Variants in NOSIP observed in about 807,000 individuals in gnomAD.
The protein encoded by NOSIP is nitric oxide synthase interacting protein.
In NOSIP, 25 loss-of-function variants were observed where a neutral mutation model predicts 36.4. The ratio of observed to expected loss-of-function variants is 0.69; its 90% confidence interval spans 0.50 to 0.96. The LOEUF (loss-of-function observed/expected upper bound fraction) is 0.96, where lower values mean the gene tolerates loss of function less well. Among genes scored for constraint, NOSIP ranks in the 40% least tolerant of loss-of-function variants. The probability of loss-of-function intolerance (pLI) is 0.00; values close to 1 mark genes in which losing one functional copy is unlikely to be tolerated. For missense variants in NOSIP, 370 were observed against 429.0 expected, an observed-to-expected ratio of 0.86 and a Z score of 1.21; for synonymous variants, 187 against 179.2, an observed-to-expected ratio of 1.04 and a Z score of -0.35.
chr19:49,567,254 C>T (rs1000273297), intron 1 of NOSIP, among the ~76,000 whole-genome samples: 5 of 151,862 alleles, frequency 3.3e-5, no homozygotes, highest in Admixed American at 2.0e-4. Flanking sequence ...TCCCGAGTAG[C>T]TGGGACTACA....
intron 8 of NOSIP, 140 bp downstream of exon 8, chr19:49,556,177 G>A (rs1363781037): frequency 6.9e-6 from 3 of 435,710 alleles, no homozygotes; most frequent in Admixed American, 7.6e-5. Context: ...AAGCGGGGGG[G>A]GGGGGCGGCC....
intron 1 of NOSIP, among the ~76,000 whole-genome samples, chr19:49,574,749 T>C (rs1174871123): frequency 6.6e-6 from 1 of 152,146 alleles, no homozygotes; most frequent in East Asian, 1.9e-4. Flanking sequence ...AGTCTCACTT[T>C]GTCACCTAGG....
chr19:49,567,225 C>A (rs544052971), intron 1 of NOSIP, among the ~76,000 whole-genome samples: 22 of 148,664 alleles, frequency 1.5e-4, no homozygotes, highest in Non-Finnish European at 3.0e-4. Flanking sequence ...CGGGTTCACG[C>A]CATTCTCCTG....
At chr19:49,578,541 C>T (rs1307932224) in intron 1 of NOSIP, among the ~76,000 whole-genome samples, 1 of 152,152 alleles carries the variant, frequency 6.6e-6, no homozygotes, top group African/African-American at 2.4e-5. Context: ...TGGCTCACAC[C>T]TGTAATCTAA....
rs2080293842 is a variant in NOSIP, at chr19:49,558,951, C to T, written c.204G>A (p.Glu68=). 1.9e-6 allele frequency: 3 copies of T among 1,613,938 alleles called. No individual in the cohort carries two copies. Among genetic ancestry groups the T allele is most frequent in the African/African-American group, 1.3e-5 (1 of 74,900 alleles). The change falls in exon 4 of 9, where the codon GAG becomes GAA. Residue 68 remains glutamate (E), a synonymous_variant. Transcript: ENST00000596358. The part of the protein sequence containing the change: ...VTPDGYLYER[E]AILEYILHQK... ...GGTGCAGAATGTACTCCAGGATGGC[C>T]TCACGCTCATACAGGTAGCCATCTG...
intron 3 of NOSIP, 71 bp downstream of exon 3, chr19:49,559,863 G>A (rs1173619169): frequency 7.1e-6 from 8 of 1,130,036 alleles, no homozygotes; most frequent in East Asian, 5.1e-5. Flanking sequence ...CCAGACCCAC[G>A]CACACAGCCT....
chr19:49,577,794 A>G (rs1180891483), intron 1 of NOSIP, among the ~76,000 whole-genome samples: 1 of 149,438 alleles, frequency 6.7e-6, no homozygotes, highest in African/African-American at 2.5e-5. Flanking sequence ...AGAAGTATTG[A>G]TACATGCCAC....
chr19:49,565,003 T>C (rs1488496802), intron 1 of NOSIP, among the ~76,000 whole-genome samples: 2 of 152,044 alleles, frequency 1.3e-5, no homozygotes, highest in Admixed American at 6.6e-5. Context: ...TGGGTGGGTG[T>C]GGTGGCTCAC....
intron 1 of NOSIP, among the ~76,000 whole-genome samples, chr19:49,569,155 C>T (rs1388574042): frequency 6.8e-6 from 1 of 147,712 alleles, no homozygotes; most frequent in Non-Finnish European, 1.5e-5. Flanking sequence ...AACAAGAGCT[C>T]AATACCATGT....
Position 49,560,234 on chromosome 19 carries a change from G to C in NOSIP, c.71-195C>G. 1.7e-6 allele frequency: 1 copy of C among 590,450 alleles called. No individual in the cohort carries two copies. The highest frequency in any genetic ancestry group is 3.0e-6 in the Non-Finnish European group (1 of 330,720). The allele number at this position is 590,450 out of a possible 1,614,324, so 36.6% of individuals were successfully genotyped here. On this transcript the variant is annotated intron_variant, in intron 2 of 8. Coordinates refer to ENST00000596358, the MANE Select transcript of NOSIP (RefSeq NM_001270960.2). The surrounding 1 kb of genome is among the most constrained non-coding windows in gnomAD (Gnocchi z 4.6). Reference sequence around the variant, plus strand: ...CCACAGGGAGTTGTCAACCCTGGAGGGTGAGAGGCAGACAGGCCTGGTCAC... The same window carrying C: ...CCACAGGGAGTTGTCAACCCTGGAGCGTGAGAGGCAGACAGGCCTGGTCAC...
intron 1 of NOSIP, among the ~76,000 whole-genome samples, chr19:49,570,524 C>T (rs189287888): frequency 1.1e-4 from 17 of 152,266 alleles, no homozygotes; most frequent in East Asian, 3.9e-4. Context: ...CTTCCTATCA[C>T]GCTAAATACC....
In NOSIP at chr19:49,562,255, G is replaced by A. The variant is rs2080345764; in HGVS notation, c.-1-1563C>T. ...TCCTGCCTCAGCTTCCCAAATAGCA[G>A]GGATTACAGGTGCCTGCCACCACGC... is the stretch of plus-strand genomic sequence containing the variant. On this transcript the variant is annotated intron_variant, in intron 1 of 8. Transcript: ENST00000596358. 3.3e-5 allele frequency among the ~76,000 whole-genome samples: 5 copies of A among 152,164 alleles called. No homozygotes were observed. In the South Asian group the frequency reaches 8.3e-4, roughly 25 times the overall value.
intron 1 of NOSIP, among the ~76,000 whole-genome samples, chr19:49,561,251 C>T (rs773197628): frequency 2.0e-5 from 3 of 152,106 alleles, no homozygotes; most frequent in African/African-American, 7.2e-5. Context: ...TGTCTCAGAT[C>T]GACCGATCAG....
rs1332810252 is a variant in NOSIP, at chr19:49,555,627, T to A, written c.*124A>T. 2 of 741,704 alleles carry A rather than the reference T, an allele frequency of 2.7e-6. No homozygotes were observed. The highest frequency in any genetic ancestry group is 5.3e-5 in the East Asian group (2 of 37,646). The allele number at this position is 741,704 out of a possible 1,614,324, so 45.9% of individuals were successfully genotyped here. A position where few individuals can be genotyped will look rare whatever the true frequency, so the allele number is the denominator to read the frequency against. Reference sequence around the variant, plus strand: ...CGCTCTTTCAAACTCCAGCGTGCGCTGTAGGAGCACTGTTTGCACGGCCCT... The same window carrying A: ...CGCTCTTTCAAACTCCAGCGTGCGCAGTAGGAGCACTGTTTGCACGGCCCT... On this transcript the variant is annotated 3_prime_UTR_variant, in exon 9 of 9. Coordinates refer to ENST00000596358, the MANE Select transcript of NOSIP (RefSeq NM_001270960.2).
chr19:49,567,738 C>T (rs991960407), intron 1 of NOSIP, among the ~76,000 whole-genome samples: 1 of 152,076 alleles, frequency 6.6e-6, no homozygotes, highest in Non-Finnish European at 1.5e-5. Flanking sequence ...AGCATGATCT[C>T]GGCTCACTGC....
At chr19:49,567,628 T>C (rs962835418) in intron 1 of NOSIP, among the ~76,000 whole-genome samples, 4 of 152,172 alleles carry the variant, frequency 2.6e-5, no homozygotes, top group Non-Finnish European at 4.4e-5. Flanking sequence ...GAGAAGATAC[T>C]TGTAATGCCT....
At chr19:49,562,848 C>G (rs750561273) in intron 1 of NOSIP, among the ~76,000 whole-genome samples, 2 of 152,068 alleles carry the variant, frequency 1.3e-5, no homozygotes, top group Non-Finnish European at 2.9e-5. Context: ...CCACTACACT[C>G]CAGCCTGGTG....
At chr19:49,563,930 T>C (rs2080368802) in intron 1 of NOSIP, among the ~76,000 whole-genome samples, 1 of 152,216 alleles carries the variant, frequency 6.6e-6, no homozygotes, top group Admixed American at 6.6e-5. Flanking sequence ...TCAGTGGTTC[T>C]CAAAGTGTGG....
chr19:49,559,255 G>A, intron 3 of NOSIP: 2 of 394,892 alleles, frequency 5.1e-6, no homozygotes, highest in East Asian at 8.3e-5. Context: ...AGAGCTGCAG[G>A]GAAAGTGCTT....
Sources: gnomAD v4.1 joint callset for allele counts (sites outside exome capture counted in the v4.1 genomes callset) on GRCh38, gnomAD v4.1.1 for gene constraint, Gnocchi (gnomAD v3.1) non-coding constraint, MANE v1.5 for transcripts, NCBI Gene and HGNC (gene_info 2026-07-23, HGNC 2026-07-21) for gene names.